The following RAD51B variants were observed in gnomAD, a reference collection of about 807,000 sequenced individuals.
RAD51B encodes the protein DNA repair protein RAD51 homolog 2.
A neutral mutation model predicts 42.2 loss-of-function variants in RAD51B; 38 were observed. The ratio of observed to expected loss-of-function variants is 0.90; its 90% confidence interval spans 0.70 to 1.18. RAD51B has a LOEUF of 1.18. Among genes scored for constraint, RAD51B ranks in the 50% most tolerant of loss-of-function variants. The pLI, the probability that RAD51B is intolerant of heterozygous loss-of-function variation, is 0.00. For missense variants in RAD51B, 373 were observed against 400.7 expected (o/e 0.93, Z 0.59); for synonymous variants, 154 against 145.2 (o/e 1.06, Z -0.43).
intron 5 of RAD51B, among the ~76,000 whole-genome samples, chr14:67,871,680 A>C (rs2042537735): frequency 6.6e-6 from 1 of 152,136 alleles, no homozygotes. Flanking sequence ...TTGATGCAAA[A>C]ATCCTCAATA....
intron 7 of RAD51B, among the ~76,000 whole-genome samples, chr14:67,931,956 A>G (rs1014525279): frequency 1.3e-5 from 2 of 149,400 alleles, no homozygotes; most frequent in Non-Finnish European, 3.0e-5. Flanking sequence ...CAAATTTTTT[A>G]TTTTTTTATT....
chr14:68,178,181 G>A (rs1958112), intron 7 of RAD51B, among the ~76,000 whole-genome samples: 104,725 of 151,982 alleles, frequency 0.69, 39,790 homozygotes, highest in East Asian at 0.92. Context: ...ACATTGATAA[G>A]TAACTTTAAA....
At chr14:68,609,260 G>A (rs1465911125) in intron 10 of RAD51B, among the ~76,000 whole-genome samples, 2 of 152,142 alleles carry the variant, frequency 1.3e-5, no homozygotes, top group African/African-American at 2.4e-5. Context: ...GAGGAGGTGC[G>A]GCTGCAGGCC....
intron 7 of RAD51B, among the ~76,000 whole-genome samples, chr14:68,272,747 G>A (rs374627735): frequency 9.5e-5 from 12 of 126,134 alleles, no homozygotes; most frequent in Non-Finnish European, 1.4e-4. Flanking sequence ...GTGCAGTGGC[G>A]TGATCTCGGC....
chr14:68,287,017 G>T (rs2081426467), intron 7 of RAD51B, among the ~76,000 whole-genome samples: 1 of 151,846 alleles, frequency 6.6e-6, no homozygotes, highest in East Asian at 1.9e-4. Flanking sequence ...GTGTTGGTTG[G>T]ATTTTCCTGG....
intron 2 of RAD51B, 96 bp from the exon 3 acceptor site, chr14:67,825,368 T>A: frequency 1.4e-6 from 1 of 725,266 alleles, no homozygotes; most frequent in Non-Finnish European, 2.2e-6. Flanking sequence ...AATTATACTT[T>A]TGTCTACATA....
At chr14:67,958,589 A>G (rs1301988673) in intron 7 of RAD51B, among the ~76,000 whole-genome samples, 1 of 152,232 alleles carries the variant, frequency 6.6e-6, no homozygotes, top group Non-Finnish European at 1.5e-5. Flanking sequence ...AAGCTATAGT[A>G]AAAAACAATA....
At chr14:68,560,979 C>T (rs1889118524) in intron 10 of RAD51B, among the ~76,000 whole-genome samples, 1 of 152,208 alleles carries the variant, frequency 6.6e-6, no homozygotes, top group African/African-American at 2.4e-5. Context: ...TTCAGGAACG[C>T]CTGAAATGGG....
intron 11 of RAD51B, among the ~76,000 whole-genome samples, chr14:68,678,922 C>T (rs1893368609): frequency 6.6e-6 from 1 of 151,924 alleles, no homozygotes. Context: ...TCCACCTCCA[C>T]CTTCACAGGA....
intron 10 of RAD51B, among the ~76,000 whole-genome samples, chr14:68,471,413 G>A (rs1418880989): frequency 6.6e-6 from 1 of 152,030 alleles, no homozygotes; most frequent in Non-Finnish European, 1.5e-5. Flanking sequence ...CTCAAGCAGA[G>A]GGAGGGAATA....
chr14:68,623,074 C>A (rs771504691), intron 10 of RAD51B, among the ~76,000 whole-genome samples: 1 of 152,208 alleles, frequency 6.6e-6, no homozygotes, highest in Non-Finnish European at 1.5e-5. Flanking sequence ...AATAGCACCA[C>A]GGACCTACCT....
At chr14:68,131,018 A>C (rs1595444172) in intron 7 of RAD51B, among the ~76,000 whole-genome samples, 1 of 152,198 alleles carries the variant, frequency 6.6e-6, no homozygotes, top group Non-Finnish European at 1.5e-5. Flanking sequence ...TTAGCTAATT[A>C]TGTGACTCAA....
intron 11 of RAD51B, among the ~76,000 whole-genome samples, chr14:68,679,582 C>T (rs1299363747): frequency 6.6e-6 from 1 of 152,252 alleles, no homozygotes; most frequent in Admixed American, 6.5e-5. Flanking sequence ...ACAGAACTTT[C>T]AGGTACTGTG....
At chr14:68,677,936 A>G (rs1020386257) in intron 11 of RAD51B, among the ~76,000 whole-genome samples, 7 of 151,986 alleles carry the variant, frequency 4.6e-5, no homozygotes, top group African/African-American at 1.7e-4. Flanking sequence ...CCCCTACCCA[A>G]ATGCTCCAGC....
At chr14:68,091,237 A>G (rs1222426483) in intron 7 of RAD51B, among the ~76,000 whole-genome samples, 1 of 152,186 alleles carries the variant, frequency 6.6e-6, no homozygotes, top group African/African-American at 2.4e-5. Flanking sequence ...TGGCTGGGTC[A>G]AATGGTATTT....
chr14:68,017,705 G>A (rs775117525), intron 7 of RAD51B, among the ~76,000 whole-genome samples: 1 of 151,932 alleles, frequency 6.6e-6, no homozygotes, highest in African/African-American at 2.4e-5. Context: ...AGGCATGGTG[G>A]CTCATGCCTG....
intron 7 of RAD51B, among the ~76,000 whole-genome samples, chr14:67,941,945 A>G (rs2045224252): frequency 6.6e-6 from 1 of 152,210 alleles, no homozygotes; most frequent in Non-Finnish European, 1.5e-5. Flanking sequence ...TAAAAGAAAG[A>G]GTGATTTCTC....
At chr14:67,888,886 A>G (rs551195315) in intron 7 of RAD51B, among the ~76,000 whole-genome samples, 3 of 152,216 alleles carry the variant, frequency 2.0e-5, no homozygotes, top group Admixed American at 6.5e-5. Flanking sequence ...GGGGATGACT[A>G]TATATTCTTA....
chr14:68,084,462 C>T (rs560006707), intron 7 of RAD51B, among the ~76,000 whole-genome samples: 128 of 152,218 alleles, frequency 8.4e-4, no homozygotes, highest in African/African-American at 2.9e-3. Context: ...CACTAGATGC[C>T]AGTAGCAGCA....
Sources: allele counts gnomAD v4.1 joint callset (sites outside exome capture counted in the v4.1 genomes callset), GRCh38; gene constraint gnomAD v4.1.1; transcripts MANE v1.5; gene names NCBI Gene and HGNC (gene_info 2026-07-23, HGNC 2026-07-21).